The following ZFP2 variants were observed in gnomAD, a reference collection of about 807,000 sequenced individuals.
ZFP2 encodes the protein zinc finger protein ZFP2.
A neutral mutation model predicts 36.1 loss-of-function variants in ZFP2; 33 were observed. The observed-to-expected ratio is 0.92, with a 90% CI of 0.69 to 1.22. The LOEUF is 1.22. ZFP2 is among the 50% of genes most tolerant of loss of function. The probability of loss-of-function intolerance (pLI) is 0.00; values close to 1 mark genes in which losing one functional copy is unlikely to be tolerated. For synonymous variants in ZFP2, 170 were observed against 178.0 expected, an observed-to-expected ratio of 0.96 and a Z score of 0.36; for missense variants, 522 against 551.4, an observed-to-expected ratio of 0.95 and a Z score of 0.53.
At chr5:178,925,146 C>T (rs1046755119) in intron 4 of ZFP2, among the ~76,000 whole-genome samples, 3 of 123,396 alleles carry the variant, frequency 2.4e-5, no homozygotes, top group Middle Eastern at 8.3e-3. Context: ...CACACACACA[C>T]ACACATATAT....
chr5:178,932,839 A>T lies in ZFP2; in HGVS notation c.*140A>T. 9.6e-7 allele frequency: 1 copy of T among 1,040,258 alleles called. No homozygotes were observed. The highest frequency in any genetic ancestry group is 1.3e-6 in the Non-Finnish European group (1 of 743,520). The allele number at this position is 1,040,258 out of a possible 1,614,324, so 64.4% of individuals were successfully genotyped here. A position where few individuals can be genotyped will look rare whatever the true frequency, so the allele number is the denominator to read the frequency against. On this transcript the variant is annotated 3_prime_UTR_variant, in exon 5 of 5. Coordinates refer to ENST00000361362, the MANE Select transcript of ZFP2 (RefSeq NM_030613.4). ...ACAATATGTCATATCAGATAATACC[A>T]CTGCAGAGAATCCATCTAAAAGTAG... is the stretch of plus-strand genomic sequence containing the variant.
At chr5:178,904,893 G>A (rs1333155449) in intron 1 of ZFP2, among the ~76,000 whole-genome samples, 1 of 151,618 alleles carries the variant, frequency 6.6e-6, no homozygotes, top group Admixed American at 6.6e-5. Flanking sequence ...TAGTAGAGAC[G>A]GGGTTTCACC....
At chr5:178,908,588 TC>T (rs1311512719) in intron 1 of ZFP2, among the ~76,000 whole-genome samples, 2 of 70,174 alleles carry the variant, frequency 2.9e-5, no homozygotes, top group Non-Finnish European at 2.7e-5. Context: ...AACCATCCCA[TC>T]CCCCCCTCCC....
At chr5:178,917,837 A>G (rs1416380503) in intron 4 of ZFP2, among the ~76,000 whole-genome samples, 1 of 152,238 alleles carries the variant, frequency 6.6e-6, no homozygotes, top group Non-Finnish European at 1.5e-5. Flanking sequence ...AAATACTATA[A>G]TGAATGTAGA....
intron 1 of ZFP2, among the ~76,000 whole-genome samples, chr5:178,906,027 T>A (rs541856659): frequency 2.6e-4 from 39 of 152,326 alleles, no homozygotes; most frequent in African/African-American, 7.9e-4. Context: ...AGTGCTGGTA[T>A]TACAGGCGTG....
At position 178,932,550 on chromosome 5, in the gene ZFP2, G is replaced by A; in HGVS notation, c.1237G>A (p.Asp413Asn). ...IHTGEKPYECDQCGKAFIKNS... is the reference protein window; with the variant it reads ...IHTGEKPYECNQCGKAFIKNS... ...TACTGGTGAGAAACCCTATGAATGTGATCAGTGTGGAAAAGCCTTCATTAA... is the reference window on the plus strand; with the variant it reads ...TACTGGTGAGAAACCCTATGAATGTAATCAGTGTGGAAAAGCCTTCATTAA... Residue 413 changes from aspartate to asparagine, a missense_variant, in exon 5 of 5, where the codon GAT becomes AAT. By Grantham distance (23) the Asp-to-Asn change is conservative. Coordinates refer to ENST00000361362, the MANE Select transcript of ZFP2 (RefSeq NM_030613.4). The A allele has an allele frequency of 6.2e-7, 1 of 1,613,656 alleles. No homozygotes were observed. Among genetic ancestry groups the A allele is most frequent in the Non-Finnish European group, 8.5e-7 (1 of 1,179,924 alleles).
chr5:178,922,169 A>G lies in ZFP2; in HGVS notation c.-78+5459A>G, dbSNP rs1349659089. 7 of 1,115,854 alleles carry G rather than the reference A, an allele frequency of 6.3e-6. 1 individual carries two copies. Among genetic ancestry groups the G allele is most frequent in the Admixed American group, 1.7e-5 (1 of 58,694 alleles). 69.1% of individuals were successfully genotyped at this position (1,115,854 alleles called of 1,614,324 possible). A position where few individuals can be genotyped will look rare whatever the true frequency, so the allele number is the denominator to read the frequency against. On this transcript the variant is annotated intron_variant, in intron 4 of 4. Coordinates refer to ENST00000361362, the MANE Select transcript of ZFP2 (RefSeq NM_030613.4). ...ATCACTCTTCTTGGAGAACTCCTCAATATTGGAAACACACTTGACATGGTT... is the reference window on the plus strand; with the variant it reads ...ATCACTCTTCTTGGAGAACTCCTCAGTATTGGAAACACACTTGACATGGTT...
chr5:178,908,858 G>GA (rs142504589), intron 1 of ZFP2, among the ~76,000 whole-genome samples: 28,945 of 151,982 alleles, frequency 0.19, 2,996 homozygotes, highest in Non-Finnish European at 0.24. Flanking sequence ...TGAGTGTTGG[G>GA]AAAAAAAGCT....
intron 4 of ZFP2, among the ~76,000 whole-genome samples, chr5:178,929,338 T>C (rs1225354080): frequency 6.7e-6 from 1 of 150,148 alleles, no homozygotes; most frequent in African/African-American, 2.4e-5. Context: ...AATGTTCCAC[T>C]TACTCCCTTT....
At chr5:178,912,026 G>A (rs576124181) in intron 1 of ZFP2, among the ~76,000 whole-genome samples, 25 of 152,206 alleles carry the variant, frequency 1.6e-4, no homozygotes, top group South Asian at 4.2e-4. Context: ...CCAGCTACTC[G>A]GGAGGCTGAG....
chr5:178,913,029 C>T lies in ZFP2; in HGVS notation c.-266C>T. On this transcript the variant is annotated 5_prime_UTR_variant, in exon 3 of 5. Transcript: ENST00000361362. The stretch of plus-strand genomic sequence containing the variant: ...TGGGACTTCCCAGCTGGAACGAGAA[C>T]TGAGTCTGATGCAAAAAGAACCGCC... 1.0e-5 allele frequency: 10 copies of T among 985,886 alleles called. No individual in the cohort carries two copies. The highest frequency in any genetic ancestry group is 1.2e-5 in the Non-Finnish European group (10 of 829,972). The allele number at this position is 985,886 out of a possible 1,614,324, so 61.1% of individuals were successfully genotyped here. A position where few individuals can be genotyped will look rare whatever the true frequency, so the allele number is the denominator to read the frequency against.
chr5:178,915,322 C>CTTTTTTTTT (rs769089977), intron 3 of ZFP2, among the ~76,000 whole-genome samples: 7 of 72,688 alleles, frequency 9.6e-5, no homozygotes, highest in South Asian at 5.3e-4. Flanking sequence ...GTTTTTCTTT[C>CTTTTTTTTT]TTTTTTTTTT....
chr5:178,912,337 A>T (rs1360655390), intron 1 of ZFP2, among the ~76,000 whole-genome samples: 1 of 152,014 alleles, frequency 6.6e-6, no homozygotes, highest in African/African-American at 2.4e-5. Context: ...TTCCTCTCCC[A>T]TGGGAATCTA....
chr5:178,922,031 CAGGAG>C (rs1408977154), intron 4 of ZFP2: 4 of 714,214 alleles, frequency 5.6e-6, no homozygotes, highest in Non-Finnish European at 1.0e-5. Context: ...CTTCCGCAGG[CAGGAG>C]AGTCAGCTAG....
chr5:178,927,666 TGTGTGTGTGTGTGTGTGTGTG>T (rs1758711002), intron 4 of ZFP2, among the ~76,000 whole-genome samples: 2 of 106,080 alleles, frequency 1.9e-5, no homozygotes. Flanking sequence ...CTGGCCAATG[TGTGTGTGTGTGTGTGTGTGTG>T]TGTGTGTGTG....
chr5:178,904,755 T>C (rs1252981909), intron 1 of ZFP2, among the ~76,000 whole-genome samples: 1 of 137,490 alleles, frequency 7.3e-6, no homozygotes, highest in Non-Finnish European at 1.5e-5. Flanking sequence ...CAGGCTGGAG[T>C]GCAATGGCAT....
intron 4 of ZFP2, among the ~76,000 whole-genome samples, chr5:178,929,740 G>A (rs375188416): frequency 3.3e-5 from 5 of 152,056 alleles, no homozygotes; most frequent in African/African-American, 9.7e-5. Context: ...TCCTTTGCCT[G>A]TTACCCAGTT....
At chr5:178,929,952 G>GT (rs973211442) in intron 4 of ZFP2, among the ~76,000 whole-genome samples, 1 of 148,606 alleles carries the variant, frequency 6.7e-6, no homozygotes, top group Admixed American at 6.7e-5. Flanking sequence ...TGGGGGGGGG[G>GT]GCTCAGGAGG....
At chr5:178,917,377 G>T (rs1300456169) in intron 4 of ZFP2, among the ~76,000 whole-genome samples, 2 of 152,136 alleles carry the variant, frequency 1.3e-5, no homozygotes, top group Non-Finnish European at 2.9e-5. Flanking sequence ...CATTTTGGGA[G>T]GCTGAGGCGG....
Sources: gnomAD v4.1 joint callset for allele counts (sites outside exome capture counted in the v4.1 genomes callset) on GRCh38, gnomAD v4.1.1 for gene constraint, MANE v1.5 for transcripts, NCBI Gene and HGNC (gene_info 2026-07-23, HGNC 2026-07-21) for gene names.